Variants in RAD51B observed in about 807,000 individuals in gnomAD.
RAD51B encodes RAD51 paralog B.
RAD51B carries 38 observed loss-of-function variants against 42.2 expected under a neutral mutation model. The observed-to-expected ratio is 0.90, with a 90% CI of 0.70 to 1.18. RAD51B has a LOEUF of 1.18. Among genes scored for constraint, RAD51B ranks in the 50% most tolerant of loss-of-function variants. The probability of loss-of-function intolerance (pLI) is 0.00; values close to 1 mark genes in which losing one functional copy is unlikely to be tolerated. For missense variants in RAD51B, 373 were observed against 400.7 expected, an observed-to-expected ratio of 0.93 and a Z score of 0.59; for synonymous variants, 154 against 145.2, an observed-to-expected ratio of 1.06 and a Z score of -0.43.
intron 7 of RAD51B, among the ~76,000 whole-genome samples, chr14:68,090,222 A>T (rs2077067121): frequency 1.3e-5 from 2 of 152,160 alleles, no homozygotes; most frequent in Non-Finnish European, 2.9e-5. Context: ...ATCTTCCAGC[A>T]TTGATGTGCT....
chr14:68,651,299 A>C (rs1892693298), intron 11 of RAD51B, among the ~76,000 whole-genome samples: 1 of 152,096 alleles, frequency 6.6e-6, no homozygotes, highest in Non-Finnish European at 1.5e-5. Flanking sequence ...CAACCTCCCA[A>C]GTAGCTGGGA....
At chr14:68,185,674 C>T (rs574386059) in intron 7 of RAD51B, among the ~76,000 whole-genome samples, 29 of 148,082 alleles carry the variant, frequency 2.0e-4, no homozygotes, top group Non-Finnish European at 3.9e-4. Context: ...TGGATGGGGG[C>T]GGGGGTGGTG....
At chr14:68,378,570 C>G (rs1310706044) in intron 8 of RAD51B, among the ~76,000 whole-genome samples, 1 of 152,158 alleles carries the variant, frequency 6.6e-6, no homozygotes, top group Admixed American at 6.5e-5. Flanking sequence ...CTCCCATATA[C>G]TTTAATCTCT....
At chr14:68,238,587 G>A (rs959848411) in intron 7 of RAD51B, among the ~76,000 whole-genome samples, 1 of 152,212 alleles carries the variant, frequency 6.6e-6, no homozygotes, top group African/African-American at 2.4e-5. Flanking sequence ...TTACAGGCAT[G>A]AGCCACTGTG....
intron 10 of RAD51B, among the ~76,000 whole-genome samples, chr14:68,547,692 G>C (rs1457510899): frequency 6.6e-6 from 1 of 152,204 alleles, no homozygotes; most frequent in Admixed American, 6.5e-5. Context: ...CAAGTGAGCA[G>C]GTCATGAGTC....
intron 10 of RAD51B, among the ~76,000 whole-genome samples, chr14:68,572,805 T>A (rs1889773804): frequency 6.6e-6 from 1 of 152,204 alleles, no homozygotes. Context: ...GTCATATCAA[T>A]AGCATCACAG....
chr14:68,225,015 C>G (rs1222689566), intron 7 of RAD51B, among the ~76,000 whole-genome samples: 1 of 151,726 alleles, frequency 6.6e-6, no homozygotes, highest in African/African-American at 2.4e-5. Context: ...CTTTTTAAGC[C>G]TCAACAATAC....
chr14:68,051,472 C>A (rs1220155283), intron 7 of RAD51B, among the ~76,000 whole-genome samples: 3 of 152,054 alleles, frequency 2.0e-5, no homozygotes, highest in Non-Finnish European at 4.4e-5. Context: ...TTATATACAA[C>A]CCTGGTTGTT....
At chr14:68,120,636 G>GT (rs1033880035) in intron 7 of RAD51B, among the ~76,000 whole-genome samples, 19 of 151,418 alleles carry the variant, frequency 1.3e-4, no homozygotes, top group Non-Finnish European at 2.2e-4. Context: ...TTCAAGGTGG[G>GT]TTTTTTTTTC....
At chr14:68,586,194 A>T (rs2256230) in intron 10 of RAD51B, among the ~76,000 whole-genome samples, 100,703 of 151,916 alleles carry the variant, frequency 0.66, 34,778 homozygotes, top group African/African-American at 0.86. Flanking sequence ...CGAGGACAGT[A>T]GATTCGCCCT....
chr14:67,893,494 ACACACACACACACAC>A (rs1243804851), intron 7 of RAD51B, among the ~76,000 whole-genome samples: 40 of 85,374 alleles, frequency 4.7e-4, no homozygotes, highest in African/African-American at 1.5e-3. Flanking sequence ...ACACACACAC[ACACACACACACACAC>A]AAAAAAAAAC....
At chr14:68,666,497 C>G (rs1893034985) in intron 11 of RAD51B, among the ~76,000 whole-genome samples, 1 of 152,210 alleles carries the variant, frequency 6.6e-6, no homozygotes, top group South Asian at 2.1e-4. Flanking sequence ...ATATCACATA[C>G]TTAAATGTGA....
In RAD51B at chr14:68,202,428, C is replaced by G. The variant is rs562593946; in HGVS notation, c.757-89456C>G. Among the ~76,000 whole-genome samples, 7 of 152,284 alleles carry G rather than the reference C, an allele frequency of 4.6e-5. No homozygotes were observed. In the South Asian group the frequency reaches 1.2e-3, roughly 27 times the overall value. On this transcript the variant is annotated intron_variant, in intron 7 of 10. Transcript: ENST00000471583. ...CTTTAAAAATTTGAGTCAGTCCTCTCAAACCCTGCTGTTGCCTTATCAACT... is the reference window on the plus strand; with the variant it reads ...CTTTAAAAATTTGAGTCAGTCCTCTGAAACCCTGCTGTTGCCTTATCAACT...
intron 10 of RAD51B, among the ~76,000 whole-genome samples, chr14:68,589,432 C>A (rs2140074281): frequency 6.6e-6 from 1 of 152,294 alleles, no homozygotes; most frequent in East Asian, 1.9e-4. Flanking sequence ...TGAGTTAAAG[C>A]TTTAAATAAA....
chr14:68,434,281 G>T (rs1307307429), intron 9 of RAD51B, among the ~76,000 whole-genome samples: 1 of 152,168 alleles, frequency 6.6e-6, no homozygotes, highest in Non-Finnish European at 1.5e-5. Context: ...GTCAGACAGG[G>T]ACATTTAAGT....
chr14:67,927,086 T>A (rs1024220909), intron 7 of RAD51B, among the ~76,000 whole-genome samples: 1 of 152,258 alleles, frequency 6.6e-6, no homozygotes, highest in African/African-American at 2.4e-5. Flanking sequence ...ATCACTATGG[T>A]TCATATCCAT....
rs566572341 is a variant in RAD51B at position 68,091,097 on chromosome 14, A to G, written c.757-200787A>G. ...GTGCCACATTTTCTTAATCCAGTCTATCATTGTTGGACATTTGGGTTGGTC... is the reference window on the plus strand; with the variant it reads ...GTGCCACATTTTCTTAATCCAGTCTGTCATTGTTGGACATTTGGGTTGGTC... On this transcript the variant is annotated intron_variant, in intron 7 of 10. Transcript: ENST00000471583. 8.5e-5 allele frequency among the ~76,000 whole-genome samples: 13 copies of G among 152,076 alleles called. No homozygotes were observed. The South Asian group carries it at 2.5e-3, about 29-fold the overall frequency.
At chr14:68,598,069 C>T (rs564899399), downstream of RAD51B, among the ~76,000 whole-genome samples, 35 of 152,200 alleles carry the variant, frequency 2.3e-4, no homozygotes, top group Middle Eastern at 3.4e-3. Flanking sequence ...GATTTTAAAT[C>T]TAAATTCTCA....
chr14:67,981,881 T>C (rs1355904500), intron 7 of RAD51B, among the ~76,000 whole-genome samples: 1 of 152,196 alleles, frequency 6.6e-6, no homozygotes, highest in East Asian at 1.9e-4. Context: ...ATCTTAACTG[T>C]GATGATAGTT....
Sources: allele counts gnomAD v4.1 joint callset (sites outside exome capture counted in the v4.1 genomes callset), GRCh38; gene constraint gnomAD v4.1.1; transcripts MANE v1.5; gene names NCBI Gene and HGNC (gene_info 2026-07-23, HGNC 2026-07-21).